ASB13: variants seen among roughly 807,000 people sequenced by gnomAD.
ASB13 encodes the protein ankyrin repeat and SOCS box protein 13.
In ASB13, 33 loss-of-function variants were observed where a neutral mutation model predicts 28.8. That is an observed-to-expected ratio of 1.15 (90% confidence interval 0.87 to 1.53). ASB13 has a LOEUF of 1.53. ASB13 is among the 40% of genes most tolerant of loss of function. ASB13 has a pLI of 0.00. For missense variants in ASB13, 414 were observed against 390.1 expected, an observed-to-expected ratio of 1.06 and a Z score of -0.52; for synonymous variants, 182 against 172.9, an observed-to-expected ratio of 1.05 and a Z score of -0.41.
chr10:5,642,856 G>A lies in ASB13; in HGVS notation c.518-895C>T, dbSNP rs1418879707. Among the ~76,000 whole-genome samples the A allele has an allele frequency of 6.6e-6, 1 of 152,038 alleles. No homozygotes were observed. Among genetic ancestry groups the A allele is most frequent in the Non-Finnish European group, 1.5e-5 (1 of 68,014 alleles). Reference sequence around the variant, plus strand: ...GACGGGGTTTTGCCGTGTTGGCCAGGTTGGTCTCGAACTCCTGGCTACGGG... The same window carrying A: ...GACGGGGTTTTGCCGTGTTGGCCAGATTGGTCTCGAACTCCTGGCTACGGG... On this transcript the variant is annotated intron_variant, in intron 4 of 5. Transcript: ENST00000357700. This position sits in a 1 kb window ranked among gnomAD's most constrained non-coding sequence, Gnocchi z 4.1.
intron 4 of ASB13, among the ~76,000 whole-genome samples, chr10:5,647,088 C>A (rs1470976365): frequency 6.6e-6 from 1 of 152,180 alleles, no homozygotes; most frequent in Non-Finnish European, 1.5e-5. Flanking sequence ...AAATGGCTGT[C>A]ATCAGGGGGA....
chr10:5,647,752 A>G (rs72772143), intron 4 of ASB13, among the ~76,000 whole-genome samples: 24,993 of 152,174 alleles, frequency 0.16, 2,274 homozygotes, highest in South Asian at 0.22. Flanking sequence ...AGATATGTAA[A>G]CTGAGGCCCG....
At chr10:5,648,626 C>T (rs1046568260) in intron 4 of ASB13, among the ~76,000 whole-genome samples, 2 of 151,478 alleles carry the variant, frequency 1.3e-5, no homozygotes, top group African/African-American at 4.9e-5. Flanking sequence ...GGGTAAACAA[C>T]CACGCAGGTA....
chr10:5,640,031 G>A lies in ASB13; in HGVS notation c.*672C>T, dbSNP rs931138024. 1.3e-5 allele frequency: 2 copies of A among 152,702 alleles called. No individual in the cohort carries two copies. Among genetic ancestry groups the A allele is most frequent in the African/African-American group, 4.8e-5 (2 of 41,454 alleles). 9.5% of individuals were successfully genotyped at this position (152,702 alleles called of 1,614,324 possible). A position where few individuals can be genotyped will look rare whatever the true frequency, so the allele number is the denominator to read the frequency against. ...GAAGACAAATTTCCTAAGAAACTCA[G>A]TGCTACTTGTGGGGAATACAAAGCC... On this transcript the variant is annotated 3_prime_UTR_variant, in exon 6 of 6. Coordinates refer to ENST00000357700, the MANE Select transcript of ASB13 (RefSeq NM_024701.4).
chr10:5,652,062 A>C lies in ASB13; in HGVS notation c.232-699T>G, dbSNP rs568722400. 1.6e-4 allele frequency among the ~76,000 whole-genome samples: 24 copies of C among 146,330 alleles called. No homozygotes were observed. The highest frequency in any genetic ancestry group is 6.2e-4 in the Admixed American group (9 of 14,532). Reference sequence around the variant, plus strand: ...CACACACACACACACACACACACACAAAACTCTAACCTCAATGGAAGGAAT... The same window carrying C: ...CACACACACACACACACACACACACCAAACTCTAACCTCAATGGAAGGAAT... On this transcript the variant is annotated intron_variant, in intron 2 of 5. Coordinates refer to ENST00000357700, the MANE Select transcript of ASB13 (RefSeq NM_024701.4). This position sits in a 1 kb window ranked among gnomAD's most constrained non-coding sequence, Gnocchi z 5.0.
rs531613976 is a variant in ASB13 at position 5,644,821 on chromosome 10, A to G, written c.518-2860T>C. Among the ~76,000 whole-genome samples the G allele has an allele frequency of 9.2e-5, 14 of 152,296 alleles. No individual in the cohort carries two copies. The highest frequency in any genetic ancestry group is 3.4e-4 in the African/African-American group (14 of 41,576). ...TGACAGAACGAGACTCCATCTCAGAAAAAAAAGAAAGAAAGAAGGGAACAG... is the reference window on the plus strand; with the variant it reads ...TGACAGAACGAGACTCCATCTCAGAGAAAAAAGAAAGAAAGAAGGGAACAG... On this transcript the variant is annotated intron_variant, in intron 4 of 5. Transcript: ENST00000357700. The surrounding 1 kb of genome is among the most constrained non-coding windows in gnomAD (Gnocchi z 5.1).
At position 5,648,960 on chromosome 10, in the gene ASB13, AC is replaced by A. The variant is rs1834939090; in HGVS notation, c.517+9del. 6.2e-7 allele frequency: 1 copy of A among 1,613,080 alleles called. No homozygotes were observed. Among genetic ancestry groups the A allele is most frequent in the Non-Finnish European group, 8.5e-7 (1 of 1,179,226 alleles). On this transcript the variant is annotated intron_variant, in intron 4 of 5. Coordinates refer to ENST00000357700, the MANE Select transcript of ASB13 (RefSeq NM_024701.4). ...CAGGTAAACACCCGCTCGGGCAAAC[AC>A]CCACTCACCTGCATTGAGCAGCACT...
In ASB13 at chr10:5,638,957, T is replaced by C. The variant is rs937477455; in HGVS notation, c.*1746A>G. ...TACTGTGAGACATCACAGGTTGTCA[T>C]TGCTAGAGGCAAGAATCTCTTACAA... On this transcript the variant is annotated 3_prime_UTR_variant, in exon 6 of 6. Transcript: ENST00000357700. The C allele has an allele frequency of 1.3e-5, 2 of 152,428 alleles. No homozygotes were observed. Among genetic ancestry groups the C allele is most frequent in the East Asian group, 3.8e-4 (2 of 5,202 alleles). 9.4% of individuals were successfully genotyped at this position (152,428 alleles called of 1,614,324 possible).
rs1835079996 is a variant in ASB13, at chr10:5,656,547, A to AT, written c.44-3498_44-3497insA. 6.6e-6 allele frequency among the ~76,000 whole-genome samples: 1 copy of AT among 151,894 alleles called. No homozygotes were observed. The highest frequency in any genetic ancestry group is 6.6e-5 in the Admixed American group (1 of 15,248). ...GAGCAAGACTCCGTCTCAAGAAAAAAAAAAAAAGTCTGTAGCAGTGAAACA... is the reference window on the plus strand; with the variant it reads ...GAGCAAGACTCCGTCTCAAGAAAAAATAAAAAAAGTCTGTAGCAGTGAAACA... On this transcript the variant is annotated intron_variant, in intron 1 of 5. Transcript: ENST00000357700. The surrounding 1 kb of genome is among the most constrained non-coding windows in gnomAD (Gnocchi z 4.3).
Position 5,641,103 on chromosome 10 carries a change from G to C in ASB13, c.710-273C>G, listed in dbSNP as rs980876757. Among the ~76,000 whole-genome samples the C allele has an allele frequency of 2.0e-5, 3 of 151,866 alleles. No individual in the cohort carries two copies. The highest frequency in any genetic ancestry group is 7.3e-5 in the African/African-American group (3 of 41,342). ...TTTTTGTTTTTTGTTTTTTGAGACAGAAAAAAAGCGACAGAGGCAAGAATC... is the reference window on the plus strand; with the variant it reads ...TTTTTGTTTTTTGTTTTTTGAGACACAAAAAAAGCGACAGAGGCAAGAATC... On this transcript the variant is annotated intron_variant, in intron 5 of 5. Coordinates refer to ENST00000357700, the MANE Select transcript of ASB13 (RefSeq NM_024701.4). The surrounding 1 kb of genome is among the most constrained non-coding windows in gnomAD (Gnocchi z 8.4).
At chr10:5,662,899 G>A (rs1835199311) in intron 1 of ASB13, among the ~76,000 whole-genome samples, 1 of 152,104 alleles carries the variant, frequency 6.6e-6, no homozygotes, top group Non-Finnish European at 1.5e-5. Context: ...TAATAGCGCA[G>A]CTCAAATTTC....
Position 5,645,298 on chromosome 10 carries a change from A to T in ASB13, c.518-3337T>A, listed in dbSNP as rs7088072. Among the ~76,000 whole-genome samples the T allele has an allele frequency of 0.41, 62,079 of 151,896 alleles. 13,117 individuals are homozygous for T. The highest frequency in any genetic ancestry group is 0.51 in the Admixed American group (7,741 of 15,280). The stretch of plus-strand genomic sequence containing the variant: ...AAAAATTTTTTAAAAATTAAACAAC[A>T]ATTTTAAAAAAATTTTTTAAATTGT... On this transcript the variant is annotated intron_variant, in intron 4 of 5. Coordinates refer to ENST00000357700, the MANE Select transcript of ASB13 (RefSeq NM_024701.4). The surrounding 1 kb of genome is among the most constrained non-coding windows in gnomAD (Gnocchi z 5.4).
chr10:5,644,260 G>A lies in ASB13; in HGVS notation c.518-2299C>T, dbSNP rs187487228. Among the ~76,000 whole-genome samples, 18 of 152,298 alleles carry A rather than the reference G, an allele frequency of 1.2e-4. No individual in the cohort carries two copies. The highest frequency in any genetic ancestry group is 3.8e-4 in the African/African-American group (16 of 41,578). ...TGTAATCTCAGCACTTTGGGAATTC[G>A]AGGCGAGCGGATCTCTTGGGCCCAG... On this transcript the variant is annotated intron_variant, in intron 4 of 5. Coordinates refer to ENST00000357700, the MANE Select transcript of ASB13 (RefSeq NM_024701.4). The surrounding 1 kb of genome is among the most constrained non-coding windows in gnomAD (Gnocchi z 5.1).
chr10:5,660,567 C>T lies in ASB13; in HGVS notation c.43+5942G>A, dbSNP rs150707979. Among the ~76,000 whole-genome samples, 21 of 152,308 alleles carry T rather than the reference C, an allele frequency of 1.4e-4. No homozygotes were observed. The highest frequency in any genetic ancestry group is 5.1e-4 in the African/African-American group (21 of 41,562). ...CTCACAGCTTACCCTCTCCAAACCTCGGCCTCCTCTCTCCTCAAATGGGTG... is the reference window on the plus strand; with the variant it reads ...CTCACAGCTTACCCTCTCCAAACCTTGGCCTCCTCTCTCCTCAAATGGGTG... On this transcript the variant is annotated intron_variant, in intron 1 of 5. Coordinates refer to ENST00000357700, the MANE Select transcript of ASB13 (RefSeq NM_024701.4). This position sits in a 1 kb window ranked among gnomAD's most constrained non-coding sequence, Gnocchi z 6.1.
rs779117483 is a variant in ASB13, at chr10:5,642,479, C to T, written c.518-518G>A. 1 of 1,198,358 alleles carries T rather than the reference C, an allele frequency of 8.3e-7. No homozygotes were observed. The highest frequency in any genetic ancestry group is 1.1e-6 in the Non-Finnish European group (1 of 951,586). 74.2% of individuals were successfully genotyped at this position (1,198,358 alleles called of 1,614,324 possible). On this transcript the variant is annotated intron_variant, in intron 4 of 5. Coordinates refer to ENST00000357700, the MANE Select transcript of ASB13 (RefSeq NM_024701.4). This position sits in a 1 kb window ranked among gnomAD's most constrained non-coding sequence, Gnocchi z 4.1. ...AGGAAAACAGATAACGTACCCAAAA[C>T]AGTAGGCAATTCAGAGAAGAGAGTA...
Position 5,645,239 on chromosome 10 carries a change from G to GA in ASB13, c.518-3279dup, listed in dbSNP as rs34089853. 8.2e-4 allele frequency among the ~76,000 whole-genome samples: 118 copies of GA among 144,244 alleles called. No homozygotes were observed. The highest frequency in any genetic ancestry group is 2.1e-3 in the African/African-American group (81 of 39,304). The allele number at this position is 144,244 out of a possible 152,430, so 94.6% of individuals were successfully genotyped here. On this transcript the variant is annotated intron_variant, in intron 4 of 5. Coordinates refer to ENST00000357700, the MANE Select transcript of ASB13 (RefSeq NM_024701.4). This position sits in a 1 kb window ranked among gnomAD's most constrained non-coding sequence, Gnocchi z 5.4. ...GGTGCTTGTTACCACAAGAGAAATT[G>GA]AAAAAAAAAATTAAATTTAAAAAAT...
Position 5,642,580 on chromosome 10 carries a change from A to T in ASB13, c.518-619T>A, listed in dbSNP as rs936816435. ...TGATTAAAAGTAAAGGTAAAAAAAA[A>T]TTTTTTTTTAAAAAAAAGAGCAGAC... On this transcript the variant is annotated intron_variant, in intron 4 of 5. Coordinates refer to ENST00000357700, the MANE Select transcript of ASB13 (RefSeq NM_024701.4). The surrounding 1 kb of genome is among the most constrained non-coding windows in gnomAD (Gnocchi z 4.1). 111 of 1,175,322 alleles carry T rather than the reference A, an allele frequency of 9.4e-5. No individual in the cohort carries two copies. Among genetic ancestry groups the T allele is most frequent in the Non-Finnish European group, 1.0e-4 (96 of 916,740 alleles). The allele number at this position is 1,175,322 out of a possible 1,614,324, so 72.8% of individuals were successfully genotyped here.
rs778966472 is a variant in ASB13 at position 5,640,729 on chromosome 10, G to A, written c.811C>T (p.Leu271Phe). Residue 271 changes from leucine (L) to phenylalanine (F), a missense_variant, in exon 6 of 6, where the codon CTC becomes TTC. Coordinates refer to ENST00000357700, the MANE Select transcript of ASB13 (RefSeq NM_024701.4). ...CAGTTGTAGGAGAGGTAATCAATGA[G>A]CCGGGGCGGGATGTTTAACTTGGCA... ...KIAKLNIPPRLIDYLSYN is the reference protein window; with the variant it reads ...KIAKLNIPPRFIDYLSYN 6.2e-7 allele frequency: 1 copy of A among 1,614,196 alleles called. No individual in the cohort carries two copies. The highest frequency in any genetic ancestry group is 2.2e-5 in the East Asian group (1 of 44,884).
rs1305722581 is a variant in ASB13 at position 5,658,472 on chromosome 10, C to A, written c.44-5422G>T. 2.0e-5 allele frequency among the ~76,000 whole-genome samples: 3 copies of A among 150,900 alleles called. No individual in the cohort carries two copies. Among genetic ancestry groups the A allele is most frequent in the Admixed American group, 2.0e-4 (3 of 15,130 alleles). Reference sequence around the variant, plus strand: ...TAAGCCATTTCTGAAAAGCCAAATACTGTATGATTCCACTTATGTGAGGTC... The same window carrying A: ...TAAGCCATTTCTGAAAAGCCAAATAATGTATGATTCCACTTATGTGAGGTC... On this transcript the variant is annotated intron_variant, in intron 1 of 5. Transcript: ENST00000357700. The surrounding 1 kb of genome is among the most constrained non-coding windows in gnomAD (Gnocchi z 4.2).
Sources: gnomAD v4.1 joint callset for allele counts (sites outside exome capture counted in the v4.1 genomes callset) on GRCh38, gnomAD v4.1.1 for gene constraint, Gnocchi (gnomAD v3.1) non-coding constraint, MANE v1.5 for transcripts, NCBI Gene and HGNC (gene_info 2026-07-23, HGNC 2026-07-21) for gene names.